CNTN6: variants seen among roughly 807,000 people sequenced by gnomAD.
CNTN6 encodes contactin-6.
In CNTN6, 137 loss-of-function variants were observed where a neutral mutation model predicts 122.8. That is an observed-to-expected ratio of 1.12 (90% confidence interval 0.97 to 1.29). The LOEUF (loss-of-function observed/expected upper bound fraction) is 1.29. Among genes scored for constraint, CNTN6 ranks in the 50% most tolerant of loss-of-function variants. The pLI, the probability that CNTN6 is intolerant of heterozygous loss-of-function variation, is 0.00. For missense variants in CNTN6, 1,634 were observed against 1,223.4 expected (o/e 1.34, Z -5.01); for synonymous variants, 570 against 426.0 (o/e 1.34, Z -4.16).
At position 1,279,475 on chromosome 3, in the gene CNTN6, TATAAG is replaced by T. The variant is rs1362530522; in HGVS notation, c.454+969_454+973del. 4.6e-5 allele frequency among the ~76,000 whole-genome samples: 7 copies of T among 152,306 alleles called. No individual in the cohort carries two copies. The South Asian group carries it at 6.2e-4, about 14-fold the overall frequency. On this transcript the variant is annotated intron_variant, in intron 5 of 22. Transcript: ENST00000446702. ...AGATTCTTAAATTTTCACAAAAACTTATAAGAGATATATGAGTATAATTATTGTTT... is the reference window on the plus strand; with the variant it reads ...AGATTCTTAAATTTTCACAAAAACTTAGATATATGAGTATAATTATTGTTT...
At chr3:1,125,050 A>G (rs796931693) in intron 1 of CNTN6, among the ~76,000 whole-genome samples, 23 of 152,114 alleles carry the variant, frequency 1.5e-4, no homozygotes, top group African/African-American at 5.5e-4. Flanking sequence ...AAATGAATAA[A>G]TCAGCCTAAA....
intron 20 of CNTN6, chr3:1,401,172 C>G: frequency 2.7e-6 from 1 of 370,142 alleles, no homozygotes. Context: ...AACTCAACAG[C>G]AATGATTAAT....
chr3:1,360,431 A>G (rs956451286), intron 12 of CNTN6, among the ~76,000 whole-genome samples: 1 of 152,056 alleles, frequency 6.6e-6, no homozygotes, highest in Non-Finnish European at 1.5e-5. Flanking sequence ...CTTTCTGAAT[A>G]ATTTAATATT....
intron 2 of CNTN6, among the ~76,000 whole-genome samples, chr3:1,211,294 A>T (rs1471676680): frequency 1.3e-5 from 2 of 152,156 alleles, no homozygotes; most frequent in African/African-American, 4.8e-5. Context: ...GGCTCATACA[A>T]TGTGATTCAG....
chr3:1,397,144 C>T (rs771910530), intron 20 of CNTN6, among the ~76,000 whole-genome samples: 2 of 152,186 alleles, frequency 1.3e-5, no homozygotes, highest in African/African-American at 2.4e-5. Context: ...ATGCTGAGGG[C>T]CTAAGAGCAA....
In CNTN6 at chr3:1,152,433, C is replaced by A. The variant is rs188710009; in HGVS notation, c.55+4370C>A. On this transcript the variant is annotated intron_variant, in intron 2 of 22. Coordinates refer to ENST00000446702, the MANE Select transcript of CNTN6 (RefSeq NM_001289080.2). The stretch of plus-strand genomic sequence containing the variant: ...GGATTACAGGCATGAGACATCACAA[C>A]CGGTCCAGAAATATTTTATTTTTTA... Among the ~76,000 whole-genome samples, 9 of 152,208 alleles carry A rather than the reference C, an allele frequency of 5.9e-5. No homozygotes were observed. The East Asian group carries it at 1.5e-3, about 26-fold the overall frequency.
At chr3:1,118,788 G>A (rs979660261) in intron 1 of CNTN6, among the ~76,000 whole-genome samples, 1 of 151,932 alleles carries the variant, frequency 6.6e-6, no homozygotes, top group East Asian at 1.9e-4. Flanking sequence ...CATAGCTTTT[G>A]TATTGTTAGT....
At chr3:1,306,646 AG>A (rs1698407275) in intron 7 of CNTN6, among the ~76,000 whole-genome samples, 1 of 71,420 alleles carries the variant, frequency 1.4e-5, no homozygotes, top group Non-Finnish European at 3.5e-5. Context: ...CAAAAATGAT[AG>A]AGAGAGAATA....
chr3:1,403,267 CA>C (rs1560056743), intron 22 of CNTN6, 50 bp from the exon 23 acceptor site: 6 of 1,193,130 alleles, frequency 5.0e-6, no homozygotes, highest in Non-Finnish European at 7.3e-6. Flanking sequence ...ATTAATCTAA[CA>C]GGCAATACTT....
At chr3:1,277,092 C>T (rs1404108915) in intron 4 of CNTN6, among the ~76,000 whole-genome samples, 1 of 152,096 alleles carries the variant, frequency 6.6e-6, no homozygotes. Context: ...AATGTGATCT[C>T]TGGTTAGACA....
chr3:1,212,578 T>C (rs2094061414), intron 2 of CNTN6, among the ~76,000 whole-genome samples: 1 of 151,922 alleles, frequency 6.6e-6, no homozygotes, highest in East Asian at 1.9e-4. Context: ...CATACAGTAG[T>C]ATGTGTCTTC....
chr3:1,386,609 AT>A (rs879666483), intron 20 of CNTN6, among the ~76,000 whole-genome samples: 4 of 152,110 alleles, frequency 2.6e-5, no homozygotes, highest in African/African-American at 9.7e-5. Context: ...CTGTAAGATG[AT>A]TTTTTTGTGG....
chr3:1,148,925 C>T (rs1395211488), intron 2 of CNTN6, among the ~76,000 whole-genome samples: 2 of 152,108 alleles, frequency 1.3e-5, no homozygotes, highest in Admixed American at 1.3e-4. Context: ...ATGGTGGCTG[C>T]TCAGGGTTCC....
At position 1,146,460 on chromosome 3, in the gene CNTN6, CTT is replaced by C. The variant is rs368691132; in HGVS notation, c.-82-1465_-82-1464del. Among the ~76,000 whole-genome samples, 485 of 152,252 alleles carry C rather than the reference CTT, an allele frequency of 3.2e-3. 1 individual carries two copies. The highest frequency in any genetic ancestry group is 0.011 in the African/African-American group (467 of 41,542). On this transcript the variant is annotated intron_variant, in intron 1 of 22. Coordinates refer to ENST00000446702, the MANE Select transcript of CNTN6 (RefSeq NM_001289080.2). ...TGTTTTCATCCCATGTACACACACT[CTT>C]TGCCTGGCAAAGAGCTACTCATATT...
chr3:1,364,230 T>C (rs901694056), intron 12 of CNTN6, among the ~76,000 whole-genome samples: 4 of 151,934 alleles, frequency 2.6e-5, no homozygotes, highest in Non-Finnish European at 5.9e-5. Flanking sequence ...TTTCTAGACA[T>C]TGCAAGTTAA....
At chr3:1,296,482 T>C (rs1317552253) in intron 6 of CNTN6, among the ~76,000 whole-genome samples, 3 of 152,212 alleles carry the variant, frequency 2.0e-5, no homozygotes, top group African/African-American at 7.2e-5. Context: ...TCTAGTTGTT[T>C]TTTTAATTAA....
intron 20 of CNTN6, among the ~76,000 whole-genome samples, chr3:1,395,676 C>T (rs1038607341): frequency 1.3e-5 from 2 of 152,138 alleles, no homozygotes; most frequent in East Asian, 1.9e-4. Context: ...TTGCAAACTC[C>T]TTTTCCATAT....
rs77890633 is a variant in CNTN6, at chr3:1,278,073, A to T, written c.359-340A>T. ...GTTGGAAGACTGCAGCAAACTTGTG[A>T]CATACCTTTCTAAAATCACACCTTC... On this transcript the variant is annotated intron_variant, in intron 4 of 22. Coordinates refer to ENST00000446702, the MANE Select transcript of CNTN6 (RefSeq NM_001289080.2). 9.3e-4 allele frequency among the ~76,000 whole-genome samples: 141 copies of T among 152,304 alleles called. 3 individuals carry two copies. The East Asian group carries it at 0.025, about 27-fold the overall frequency.
intron 22 of CNTN6, 103 bp from the exon 23 acceptor site, chr3:1,403,215 T>G (rs1218345260): frequency 1.8e-5 from 12 of 659,162 alleles, no homozygotes; most frequent in Non-Finnish European, 2.8e-5. Context: ...TAAAATATGT[T>G]ACTAGAAGAG....
Sources: gnomAD v4.1 joint callset for allele counts (sites outside exome capture counted in the v4.1 genomes callset) on GRCh38, gnomAD v4.1.1 for gene constraint, MANE v1.5 for transcripts, NCBI Gene and HGNC (gene_info 2026-07-23, HGNC 2026-07-21) for gene names.